Variants in ARHGEF28 observed in about 807,000 individuals in gnomAD.
ARHGEF28 encodes the protein Rho guanine nucleotide exchange factor 28.
In ARHGEF28, 152 loss-of-function variants were observed where a neutral mutation model predicts 206.6. The observed-to-expected ratio is 0.74, with a 90% CI of 0.64 to 0.84. The LOEUF is 0.84. Ranked by LOEUF, ARHGEF28 falls within the 40% of genes least tolerant of loss-of-function variation. The pLI is 0.00. For synonymous variants in ARHGEF28, 763 were observed against 776.4 expected (o/e 0.98, Z 0.29); for missense variants, 2,028 against 2,073.2 (o/e 0.98, Z 0.42).
intron 1 of ARHGEF28, among the ~76,000 whole-genome samples, chr5:73,673,078 A>G (rs1362583164): frequency 1.3e-5 from 2 of 152,238 alleles, no homozygotes; most frequent in Non-Finnish European, 2.9e-5. Flanking sequence ...AGACCTGCAT[A>G]ACTCAGGTAG....
At chr5:73,865,529 T>C (rs7720220) in intron 17 of ARHGEF28, among the ~76,000 whole-genome samples, 28,798 of 152,080 alleles carry the variant, frequency 0.19, 4,152 homozygotes, top group African/African-American at 0.39. Flanking sequence ...GGAACACATA[T>C]TGCGTCAGAT....
intron 2 of ARHGEF28, among the ~76,000 whole-genome samples, chr5:73,694,676 G>A (rs898745705): frequency 2.0e-5 from 3 of 152,200 alleles, no homozygotes; most frequent in African/African-American, 7.2e-5. Flanking sequence ...TACACCTGAG[G>A]AGGGTGTGCA....
Position 73,749,827 on chromosome 5 carries a change from C to T in ARHGEF28, c.34-10C>T, listed in dbSNP as rs1326750401. ...AAGTCTGACAATGCCCCGACTTATTCCTTTTTCAGGGGCAGATGATGATCT... is the reference window on the plus strand; with the variant it reads ...AAGTCTGACAATGCCCCGACTTATTTCTTTTTCAGGGGCAGATGATGATCT... On this transcript the variant is annotated splice_polypyrimidine_tract_variant and intron_variant, in intron 2 of 35. Transcript: ENST00000513042. 6.8e-6 allele frequency: 11 copies of T among 1,613,658 alleles called. No homozygotes were observed. Among genetic ancestry groups the T allele is most frequent in the Non-Finnish European group, 9.3e-6 (11 of 1,179,758 alleles).
intron 35 of ARHGEF28, among the ~76,000 whole-genome samples, chr5:73,918,198 T>C (rs2111958435): frequency 6.6e-6 from 1 of 152,356 alleles, no homozygotes; most frequent in East Asian, 1.9e-4. Context: ...TAAAGGGTCC[T>C]ATAGTAAATA....
chr5:73,734,055 G>GTTT (rs1750762441), intron 2 of ARHGEF28, among the ~76,000 whole-genome samples: 1 of 152,054 alleles, frequency 6.6e-6, no homozygotes, highest in Non-Finnish European at 1.5e-5. Flanking sequence ...ATTCATGAAG[G>GTTT]AGCTACCCCC....
chr5:73,766,503 G>T (rs1561389044), intron 4 of ARHGEF28, among the ~76,000 whole-genome samples: 1 of 152,168 alleles, frequency 6.6e-6, no homozygotes, highest in African/African-American at 2.4e-5. Context: ...GGTAGGCTGT[G>T]TTATAAAAGG....
At chr5:73,668,252 T>A (rs1028931856) in intron 1 of ARHGEF28, among the ~76,000 whole-genome samples, 1 of 152,226 alleles carries the variant, frequency 6.6e-6, no homozygotes, top group Non-Finnish European at 1.5e-5. Flanking sequence ...CAATTTCCTG[T>A]CTTAGTCTGT....
At chr5:73,668,437 G>A (rs1746102911) in intron 1 of ARHGEF28, among the ~76,000 whole-genome samples, 1 of 152,206 alleles carries the variant, frequency 6.6e-6, no homozygotes. Context: ...GCATGACAGA[G>A]CAAGAGGGGG....
intron 14 of ARHGEF28, among the ~76,000 whole-genome samples, chr5:73,855,309 T>C (rs1758949198): frequency 6.6e-6 from 1 of 152,222 alleles, no homozygotes; most frequent in Admixed American, 6.5e-5. Context: ...ATTATGACTA[T>C]GATATTCACA....
intron 7 of ARHGEF28, among the ~76,000 whole-genome samples, chr5:73,783,129 C>T (rs762021928): frequency 1.3e-5 from 2 of 152,106 alleles, no homozygotes; most frequent in Non-Finnish European, 2.9e-5. Context: ...GCTCTCATGG[C>T]ACAGTGTGAT....
At position 73,698,988 on chromosome 5, in the gene ARHGEF28, C is replaced by T. The variant is rs375318926; in HGVS notation, c.33+14104C>T. Among the ~76,000 whole-genome samples the T allele has an allele frequency of 8.5e-4, 129 of 152,212 alleles. 1 individual carries two copies. Among genetic ancestry groups the T allele is most frequent in the African/African-American group, 3.0e-3 (124 of 41,546 alleles). On this transcript the variant is annotated intron_variant, in intron 2 of 35. Coordinates refer to ENST00000513042, the MANE Select transcript of ARHGEF28 (RefSeq NM_001177693.2). ...GCATTGGAACCCATGTCTTCAGCCT[C>T]TACCTGCATCACCACATTATATGAT...
chr5:73,899,886 C>T (rs1467723373), intron 30 of ARHGEF28: 3 of 152,254 alleles, frequency 2.0e-5, no homozygotes, highest in Non-Finnish European at 4.4e-5. Context: ...ATTCTTCTGC[C>T]TTGTCATCAG....
At chr5:73,932,809 T>TTC (rs1764201528) in intron 35 of ARHGEF28, among the ~76,000 whole-genome samples, 1 of 126,910 alleles carries the variant, frequency 7.9e-6, no homozygotes, top group African/African-American at 3.1e-5. Flanking sequence ...TCTTTTTTTT[T>TTC]TTTTTTTTTT....
intron 35 of ARHGEF28, among the ~76,000 whole-genome samples, chr5:73,936,233 C>A (rs190742): frequency 0.79 from 119,671 of 152,106 alleles, 47,075 homozygotes; most frequent in Admixed American, 0.85. Context: ...CGTAGGAGGG[C>A]AGATCAACTG....
intron 33 of ARHGEF28, 33 bp from the exon 34 acceptor site, chr5:73,909,379 G>T (rs1426181434): frequency 7.0e-6 from 11 of 1,563,524 alleles, no homozygotes; most frequent in Non-Finnish European, 9.6e-6. Context: ...GGAACCTTGT[G>T]TTCAGTGATT....
In ARHGEF28 at chr5:73,684,850, C is replaced by A. The variant is rs763603278; in HGVS notation, c.-2C>A. On this transcript the variant is annotated 5_prime_UTR_variant, in exon 2 of 36. Transcript: ENST00000513042. ...ATTATTTTCATTGCAGATGCGAAAGCCATGGAGTTGAGCTGCAGCGAAGCA... is the reference window on the plus strand; with the variant it reads ...ATTATTTTCATTGCAGATGCGAAAGACATGGAGTTGAGCTGCAGCGAAGCA... 2 of 1,609,062 alleles carry A rather than the reference C, an allele frequency of 1.2e-6. No individual in the cohort carries two copies. Among genetic ancestry groups the A allele is most frequent in the Admixed American group, 3.4e-5 (2 of 59,366 alleles).
chr5:73,932,800 CTTTTTTTTTTTTTTTTTT>C (rs386404110), intron 35 of ARHGEF28, among the ~76,000 whole-genome samples: 1 of 73,422 alleles, frequency 1.4e-5, no homozygotes, highest in African/African-American at 5.6e-5. Context: ...TTTCCTATTT[CTTTTTTTTTTTTTTTTTT>C]TTTTTTTTGA....
intron 1 of ARHGEF28, among the ~76,000 whole-genome samples, chr5:73,639,218 T>C (rs889361533): frequency 6.9e-6 from 1 of 144,556 alleles, no homozygotes; most frequent in African/African-American, 2.6e-5. Flanking sequence ...AGGATTTTCA[T>C]TTTCTATTAC....
intron 16 of ARHGEF28, among the ~76,000 whole-genome samples, chr5:73,860,274 C>T (rs1470480731): frequency 1.3e-5 from 2 of 152,182 alleles, no homozygotes; most frequent in Non-Finnish European, 2.9e-5. Context: ...CTTCTTTCCT[C>T]GCTTTGTATT....
Sources: gnomAD v4.1 joint callset for allele counts (sites outside exome capture counted in the v4.1 genomes callset) on GRCh38, gnomAD v4.1.1 for gene constraint, MANE v1.5 for transcripts, NCBI Gene and HGNC (gene_info 2026-07-23, HGNC 2026-07-21) for gene names.